Variants in ARID3B observed in about 807,000 individuals in gnomAD.
ARID3B encodes the protein AT-rich interactive domain-containing protein 3B.
Under a neutral mutation model 51.9 loss-of-function variants are expected in ARID3B, and 10 were observed. The observed-to-expected ratio is 0.19, with a 90% CI of 0.12 to 0.33. The LOEUF (loss-of-function observed/expected upper bound fraction) is 0.33. Among genes scored for constraint, ARID3B ranks in the 10% least tolerant of loss-of-function variants. The pLI is 1.00. For synonymous variants in ARID3B, 205 were observed against 279.5 expected, an observed-to-expected ratio of 0.73 and a Z score of 2.66; for missense variants, 483 against 716.3, an observed-to-expected ratio of 0.67 and a Z score of 3.72.
At position 74,597,109 on chromosome 15, in the gene ARID3B, C is replaced by T; in HGVS notation, c.*1335C>T. ...TCCCCATCACTCAGCATTCCCAGCT[C>T]AGGGCACAGGCAGGCTGGGGTCCTC... On this transcript the variant is annotated 3_prime_UTR_variant, in exon 9 of 9. Transcript: ENST00000346246. 1 of 242,450 alleles carries T rather than the reference C, an allele frequency of 4.1e-6. No individual in the cohort carries two copies. The highest frequency in any genetic ancestry group is 6.0e-5 in the East Asian group (1 of 16,636). 15.0% of individuals were successfully genotyped at this position (242,450 alleles called of 1,614,324 possible). A position where few individuals can be genotyped will look rare whatever the true frequency, so the allele number is the denominator to read the frequency against.
chr15:74,551,599 T>C (rs906216800), intron 2 of ARID3B, among the ~76,000 whole-genome samples: 1 of 152,162 alleles, frequency 6.6e-6, no homozygotes, highest in Non-Finnish European at 1.5e-5. Flanking sequence ...CTTCCAGGCC[T>C]TTTCCACGTT....
intron 2 of ARID3B, among the ~76,000 whole-genome samples, chr15:74,563,479 A>C (rs1305326156): frequency 6.6e-6 from 1 of 152,186 alleles, no homozygotes; most frequent in Admixed American, 6.5e-5. Flanking sequence ...TACATTTAAA[A>C]TGTGTTGTTT....
intron 2 of ARID3B, among the ~76,000 whole-genome samples, chr15:74,555,786 CTTTTTT>C (rs869243539): frequency 8.3e-4 from 79 of 95,080 alleles, no homozygotes; most frequent in African/African-American, 3.0e-3. Context: ...AGCTGTATTT[CTTTTTT>C]TTTTTTTTTT....
intron 4 of ARID3B, chr15:74,573,624 G>C (rs2061727027): frequency 5.2e-6 from 1 of 193,314 alleles, no homozygotes; most frequent in Non-Finnish European, 1.1e-5. Flanking sequence ...GGAAGGGTCT[G>C]AAATGATCCA....
intron 2 of ARID3B, among the ~76,000 whole-genome samples, chr15:74,559,722 C>T (rs1319841945): frequency 6.6e-6 from 1 of 152,028 alleles, no homozygotes; most frequent in East Asian, 1.9e-4. Flanking sequence ...ATGACTTTTA[C>T]TTATTTTTTC....
At chr15:74,559,621 G>A (rs1056618765) in intron 2 of ARID3B, among the ~76,000 whole-genome samples, 4 of 152,114 alleles carry the variant, frequency 2.6e-5, no homozygotes, top group African/African-American at 9.7e-5. Flanking sequence ...AACCCAGGTG[G>A]TCTGACTTCT....
chr15:74,598,013 G>A lies in ARID3B; in HGVS notation c.*2239G>A, dbSNP rs3184088. ...AATGTGATAGCACATGGGTAGCCTA[G>A]GCAGTGAGTAAATACCTCAGATGTC... is the stretch of plus-strand genomic sequence containing the variant. On this transcript the variant is annotated 3_prime_UTR_variant, in exon 9 of 9. Coordinates refer to ENST00000346246, the MANE Select transcript of ARID3B (RefSeq NM_006465.4). 18,134 of 531,392 alleles carry A rather than the reference G, an allele frequency of 0.034. 478 individuals carry two copies. Among genetic ancestry groups the A allele is most frequent in the Middle Eastern group, 0.15 (518 of 3,532 alleles). The allele number at this position is 531,392 out of a possible 1,614,324, so 32.9% of individuals were successfully genotyped here.
chr15:74,557,803 T>C (rs2141453493), intron 2 of ARID3B, among the ~76,000 whole-genome samples: 1 of 151,152 alleles, frequency 6.6e-6, no homozygotes, highest in African/African-American at 2.4e-5. Context: ...TACAGTATTC[T>C]AGGTTTCGAC....
rs749898323 is a variant in ARID3B at position 74,544,065 on chromosome 15, C to T, written c.129C>T (p.Ala43=). The change falls in exon 2 of 9, where the codon GCC becomes GCT. Residue 43 remains alanine, a synonymous_variant. Transcript: ENST00000346246. ...TGAGAGAAGCCCAGTTCTTGTATGC[C>T]CAAAAGCTGGTCACACAGCCGACTC... ...QQMREAQFLY[A]QKLVTQPTLL... The T allele has an allele frequency of 8.7e-6, 14 of 1,613,762 alleles. No homozygotes were observed. Among genetic ancestry groups the T allele is most frequent in the Non-Finnish European group, 5.1e-6 (6 of 1,179,892 alleles).
chr15:74,546,167 C>G (rs1193900831), intron 2 of ARID3B, among the ~76,000 whole-genome samples: 1 of 152,222 alleles, frequency 6.6e-6, no homozygotes, highest in Non-Finnish European at 1.5e-5. Flanking sequence ...CCAACTTCCA[C>G]GACAGCAGCA....
intron 8 of ARID3B, 73 bp from the exon 9 acceptor site, chr15:74,595,538 T>A: frequency 6.5e-7 from 1 of 1,533,746 alleles, no homozygotes; most frequent in Non-Finnish European, 8.9e-7. Context: ...CAGCGGTGAA[T>A]ACTTACTGAA....
chr15:74,579,866 T>TGC (rs1287002406), intron 4 of ARID3B, among the ~76,000 whole-genome samples: 4 of 126,670 alleles, frequency 3.2e-5, no homozygotes, highest in African/African-American at 6.8e-5. Context: ...TGTGTGTGTG[T>TGC]GTGTGTGCGC....
Position 74,591,029 on chromosome 15 carries a change from T to C in ARID3B, c.882-122T>C, listed in dbSNP as rs953370835. 35 of 1,443,262 alleles carry C rather than the reference T, an allele frequency of 2.4e-5. No individual in the cohort carries two copies. The African/African-American group carries it at 4.7e-4, about 19-fold the overall frequency. 89.4% of individuals were successfully genotyped at this position (1,443,262 alleles called of 1,614,324 possible). A position where few individuals can be genotyped will look rare whatever the true frequency, so the allele number is the denominator to read the frequency against. On this transcript the variant is annotated intron_variant, in intron 5 of 8. Transcript: ENST00000346246. The surrounding 1 kb of genome is among the most constrained non-coding windows in gnomAD (Gnocchi z 5.8). ...GACTTTTCTGCCAAGTATACCAAGG[T>C]TGCAATCCTTTGCCCTAGAGTCCTG... is the stretch of plus-strand genomic sequence containing the variant.
chr15:74,579,413 C>G (rs542641303), intron 4 of ARID3B, among the ~76,000 whole-genome samples: 1 of 152,236 alleles, frequency 6.6e-6, no homozygotes, highest in Non-Finnish European at 1.5e-5. Flanking sequence ...GGCTAACATC[C>G]CTTCGTTCTC....
chr15:74,563,462 C>G (rs957363433), intron 2 of ARID3B, among the ~76,000 whole-genome samples: 1 of 152,106 alleles, frequency 6.6e-6, no homozygotes, highest in Non-Finnish European at 1.5e-5. Context: ...AAATGTTGTT[C>G]TTCCTATACA....
At chr15:74,557,606 T>C (rs949831057) in intron 2 of ARID3B, among the ~76,000 whole-genome samples, 2 of 152,162 alleles carry the variant, frequency 1.3e-5, no homozygotes, top group Admixed American at 6.5e-5. Flanking sequence ...TGTTAATCTT[T>C]TTCTAGCTTT....
At chr15:74,562,722 C>A (rs532903316) in intron 2 of ARID3B, among the ~76,000 whole-genome samples, 1 of 152,316 alleles carries the variant, frequency 6.6e-6, no homozygotes, top group Non-Finnish European at 1.5e-5. Context: ...TTGTGATAGG[C>A]ATTTTAAGGC....
At chr15:74,593,957 CA>C in intron 8 of ARID3B, among the ~76,000 whole-genome samples, 1 of 150,968 alleles carries the variant, frequency 6.6e-6, no homozygotes, top group Non-Finnish European at 1.5e-5. Flanking sequence ...CCAGGAGGAT[CA>C]CTTGAGCCCA....
intron 2 of ARID3B, among the ~76,000 whole-genome samples, chr15:74,569,404 T>A (rs2141463079): frequency 6.6e-6 from 1 of 152,144 alleles, no homozygotes; most frequent in East Asian, 1.9e-4. Flanking sequence ...CTGGCCAACA[T>A]GGCAAAACCC....
Sources: allele counts gnomAD v4.1 joint callset (sites outside exome capture counted in the v4.1 genomes callset), GRCh38; gene constraint gnomAD v4.1.1; non-coding constraint Gnocchi (gnomAD v3.1); transcripts MANE v1.5; gene names NCBI Gene and HGNC (gene_info 2026-07-23, HGNC 2026-07-21).